KCNAB1: variants seen among roughly 807,000 people sequenced by gnomAD.
KCNAB1 encodes potassium voltage-gated channel subfamily A regulatory beta subunit 1, also known as voltage-gated potassium channel subunit beta-1.
Under a neutral mutation model 64.6 loss-of-function variants are expected in KCNAB1, and 35 were observed. The ratio of observed to expected loss-of-function variants is 0.54; its 90% CI spans 0.41 to 0.72. The LOEUF is 0.72. KCNAB1 is among the 30% of genes least tolerant of loss of function. The pLI, the probability that KCNAB1 is intolerant of heterozygous loss-of-function variation, is 0.00. For synonymous variants in KCNAB1, 177 were observed against 183.8 expected (o/e 0.96, Z 0.30); for missense variants, 401 against 512.9 (o/e 0.78, Z 2.11).
chr3:156,507,135 G>T (rs1716882126), intron 8 of KCNAB1, among the ~76,000 whole-genome samples: 1 of 152,214 alleles, frequency 6.6e-6, no homozygotes, highest in Non-Finnish European at 1.5e-5. Context: ...GCTAGATGGG[G>T]TCTATAGACT....
chr3:156,297,139 C>G lies in KCNAB1; in HGVS notation c.276-124477C>G, dbSNP rs1720838707. Among the ~76,000 whole-genome samples, 5 of 152,160 alleles carry G rather than the reference C, an allele frequency of 3.3e-5. No individual in the cohort carries two copies. In the South Asian group the frequency reaches 1.0e-3, roughly 32 times the overall value. On this transcript the variant is annotated intron_variant, in intron 1 of 13. Transcript: ENST00000490337. ...GCTCCCTCATGTTACCCATTTCTGT[C>G]CACATCCACTCCCCCTTCTCCAATT...
intron 1 of KCNAB1, among the ~76,000 whole-genome samples, chr3:156,254,206 T>A (rs1228463372): frequency 6.6e-6 from 1 of 152,246 alleles, no homozygotes; most frequent in East Asian, 1.9e-4. Context: ...AGATGTAGTT[T>A]ATGTGAATAA....
chr3:156,462,520 T>TTTA (rs1252428936), intron 5 of KCNAB1, among the ~76,000 whole-genome samples: 1 of 152,228 alleles, frequency 6.6e-6, no homozygotes, highest in Non-Finnish European at 1.5e-5. Flanking sequence ...GGTACATGTA[T>TTTA]TTATCGACCT....
chr3:156,359,922 C>T (rs145402171), intron 1 of KCNAB1, among the ~76,000 whole-genome samples: 2 of 152,182 alleles, frequency 1.3e-5, no homozygotes, highest in African/African-American at 2.4e-5. Context: ...GTCCTATCCT[C>T]CCACATACTA....
chr3:156,323,219 T>C (rs192753801), intron 1 of KCNAB1, among the ~76,000 whole-genome samples: 30 of 152,296 alleles, frequency 2.0e-4, no homozygotes, highest in Admixed American at 2.0e-3. Context: ...TAAATATAAG[T>C]GGTTTTCAGG....
At chr3:156,416,229 C>T (rs1471427695) in intron 1 of KCNAB1, among the ~76,000 whole-genome samples, 1 of 152,224 alleles carries the variant, frequency 6.6e-6, no homozygotes. Flanking sequence ...CTGCTAACAT[C>T]TTCCATTACT....
chr3:156,378,279 C>T (rs1447528396), intron 1 of KCNAB1, among the ~76,000 whole-genome samples: 2 of 151,878 alleles, frequency 1.3e-5, no homozygotes, highest in Non-Finnish European at 2.9e-5. Flanking sequence ...ATACCTAGTC[C>T]CAGAACAAAG....
chr3:156,142,954 C>A lies in KCNAB1; in HGVS notation c.275+22068C>A, dbSNP rs749387682. On this transcript the variant is annotated intron_variant, in intron 1 of 13. Transcript: ENST00000490337. ...GAGAAAAGTGATTGGCCACCAAAAG[C>A]CTCCTTTATGCACAGGCCTGGGCAG... 4.2e-5 allele frequency: 49 copies of A among 1,175,172 alleles called. No individual in the cohort carries two copies. In the Admixed American group the frequency reaches 9.8e-4, roughly 23 times the overall value. The allele number at this position is 1,175,172 out of a possible 1,614,324, so 72.8% of individuals were successfully genotyped here.
intron 1 of KCNAB1, among the ~76,000 whole-genome samples, chr3:156,333,212 T>C (rs1282463968): frequency 1.3e-5 from 2 of 152,088 alleles, no homozygotes; most frequent in Non-Finnish European, 2.9e-5. Context: ...TAGTCACAAG[T>C]AAGTTTCCCC....
At chr3:156,326,658 T>C (rs1722984298) in intron 1 of KCNAB1, among the ~76,000 whole-genome samples, 1 of 152,168 alleles carries the variant, frequency 6.6e-6, no homozygotes, top group Non-Finnish European at 1.5e-5. Context: ...TGCAGCATGC[T>C]CCTGCCTGAG....
intron 1 of KCNAB1, among the ~76,000 whole-genome samples, chr3:156,308,422 T>C (rs141770494): frequency 6.6e-6 from 1 of 152,280 alleles, no homozygotes; most frequent in Non-Finnish European, 1.5e-5. Flanking sequence ...TGGTGAGGAA[T>C]AGACTGTAGG....
chr3:156,516,201 TGCCCCCACC>T (rs992744944), intron 10 of KCNAB1, 60 bp from the exon 11 acceptor site: 1 of 1,041,542 alleles, frequency 9.6e-7, no homozygotes, highest in African/African-American at 1.6e-5. Flanking sequence ...TAAACACTAC[TGCCCCCACC>T]GCCACCCACC....
At chr3:156,289,070 G>T (rs1172518562) in intron 1 of KCNAB1, among the ~76,000 whole-genome samples, 1 of 152,216 alleles carries the variant, frequency 6.6e-6, no homozygotes, top group Non-Finnish European at 1.5e-5. Context: ...ACTCTGCCTT[G>T]CATGTTTCAT....
rs1363691387 is a variant in KCNAB1 at position 156,158,172 on chromosome 3, A to AAAT, written c.275+37288_275+37289insTAA. Among the ~76,000 whole-genome samples, 11 of 71,504 alleles carry AAAT rather than the reference A, an allele frequency of 1.5e-4. No homozygotes were observed. The East Asian group carries it at 2.8e-3, about 19-fold the overall frequency. 46.9% of individuals were successfully genotyped at this position (71,504 alleles called of 152,430 possible). ...AGAGCGAAACTCTGTCTCAAAAAAA[A>AAAT]AAATAAAAAATAAATAAATAAATAA... On this transcript the variant is annotated intron_variant, in intron 1 of 13. Coordinates refer to ENST00000490337, the MANE Select transcript of KCNAB1 (RefSeq NM_172160.3).
At position 156,179,280 on chromosome 3, in the gene KCNAB1, T is replaced by C. The variant is rs1577678331; in HGVS notation, c.275+58394T>C. Reference sequence around the variant, plus strand: ...TAGTTCCATGCTAATACTATATATATATGTAAGTACTACTTCTGAAAAATA... The same window carrying C: ...TAGTTCCATGCTAATACTATATATACATGTAAGTACTACTTCTGAAAAATA... On this transcript the variant is annotated intron_variant, in intron 1 of 13. Transcript: ENST00000490337. 7.2e-5 allele frequency among the ~76,000 whole-genome samples: 11 copies of C among 152,264 alleles called. No homozygotes were observed. The South Asian group carries it at 2.3e-3, about 32-fold the overall frequency.
chr3:156,306,105 A>C (rs76747866), intron 1 of KCNAB1, among the ~76,000 whole-genome samples: 2,170 of 152,344 alleles, frequency 0.014, 46 homozygotes, highest in African/African-American at 0.05. Flanking sequence ...AGTGGGGGCA[A>C]GTTATTGATA....
At position 156,305,239 on chromosome 3, in the gene KCNAB1, G is replaced by A. The variant is rs77023358; in HGVS notation, c.276-116377G>A. ...GACAAATAGACAAGAAAAAAATTAAGTTCTGTGAACATATGATATCTTTGC... is the reference window on the plus strand; with the variant it reads ...GACAAATAGACAAGAAAAAAATTAAATTCTGTGAACATATGATATCTTTGC... On this transcript the variant is annotated intron_variant, in intron 1 of 13. Coordinates refer to ENST00000490337, the MANE Select transcript of KCNAB1 (RefSeq NM_172160.3). Among the ~76,000 whole-genome samples the A allele has an allele frequency of 6.8e-3, 1,034 of 152,274 alleles. 8 individuals are homozygous for A. The highest frequency in any genetic ancestry group is 0.024 in the African/African-American group (996 of 41,548).
chr3:156,335,143 G>A (rs1378298067), intron 1 of KCNAB1, among the ~76,000 whole-genome samples: 3 of 152,198 alleles, frequency 2.0e-5, no homozygotes, highest in Non-Finnish European at 2.9e-5. Context: ...TTGATTTCTT[G>A]TGGATTTCCT....
intron 1 of KCNAB1, among the ~76,000 whole-genome samples, chr3:156,179,772 C>T (rs79922155): frequency 0.02 from 3,001 of 152,290 alleles, 55 homozygotes; most frequent in Non-Finnish European, 0.03. Context: ...GATTGAATTG[C>T]TTCAAATACT....
Sources: gnomAD v4.1 joint callset for allele counts (sites outside exome capture counted in the v4.1 genomes callset) on GRCh38, gnomAD v4.1.1 for gene constraint, MANE v1.5 for transcripts, NCBI Gene and HGNC (gene_info 2026-07-23, HGNC 2026-07-21) for gene names.